Variants in GALK2 observed in about 807,000 individuals in gnomAD.
The protein encoded by GALK2 is N-acetylgalactosamine kinase.
GALK2 carries 36 observed loss-of-function variants against 52.4 expected under a neutral mutation model. The ratio of observed to expected loss-of-function variants is 0.69; its 90% CI spans 0.53 to 0.91. The LOEUF is 0.91. Among genes scored for constraint, GALK2 ranks in the 40% least tolerant of loss-of-function variants. GALK2 has a pLI of 0.00. For synonymous variants in GALK2, 176 were observed against 199.1 expected (o/e 0.88, Z 0.98); for missense variants, 579 against 559.1 (o/e 1.04, Z -0.36).
At chr15:49,233,838 C>T (rs780480992) in intron 3 of GALK2, among the ~76,000 whole-genome samples, 22 of 152,228 alleles carry the variant, frequency 1.4e-4, no homozygotes, top group Admixed American at 2.0e-4. Context: ...CTCTCAGCCA[C>T]GTATGCCACC....
intron 8 of GALK2, among the ~76,000 whole-genome samples, chr15:49,308,715 G>A (rs1158241801): frequency 6.6e-6 from 1 of 152,158 alleles, no homozygotes; most frequent in Non-Finnish European, 1.5e-5. Flanking sequence ...CTGCATTCAG[G>A]CCTGGGAACC....
intron 5 of GALK2, among the ~76,000 whole-genome samples, chr15:49,270,033 C>T (rs1419715600): frequency 6.6e-6 from 1 of 152,200 alleles, no homozygotes; most frequent in Non-Finnish European, 1.5e-5. Context: ...GCTCCCTCTT[C>T]TTAGAATGTA....
intron 3 of GALK2, among the ~76,000 whole-genome samples, chr15:49,219,159 C>A (rs1228694111): frequency 2.6e-5 from 4 of 152,132 alleles, no homozygotes; most frequent in African/African-American, 7.2e-5. Context: ...GGTGGTGTCC[C>A]CACCCAAATC....
intron 3 of GALK2, among the ~76,000 whole-genome samples, chr15:49,341,469 C>T (rs370994868): frequency 7.2e-5 from 11 of 152,152 alleles, no homozygotes; most frequent in African/African-American, 2.7e-4. Flanking sequence ...GATCTTGCAC[C>T]TCCTGGGTTA....
chr15:49,199,580 C>T (rs750759778), intron 1 of GALK2, among the ~76,000 whole-genome samples: 3 of 152,156 alleles, frequency 2.0e-5, no homozygotes, highest in African/African-American at 4.8e-5. Flanking sequence ...TACTAAATGA[C>T]CTCACCCTTT....
chr15:49,201,105 T>G, intron 1 of GALK2, 57 bp from the exon 2 acceptor site: 1 of 867,644 alleles, frequency 1.2e-6, no homozygotes. Context: ...TGTGTGTATG[T>G]TATGTTACGG....
intron 1 of GALK2, chr15:49,198,751 A>G (rs2087459667): frequency 6.6e-6 from 1 of 151,108 alleles, no homozygotes; most frequent in African/African-American, 2.4e-5. Flanking sequence ...TTCTAGTAGT[A>G]GTTTTAGATT....
intron 5 of GALK2, among the ~76,000 whole-genome samples, chr15:49,270,638 C>T (rs2030367452): frequency 6.6e-6 from 1 of 152,182 alleles, no homozygotes; most frequent in Non-Finnish European, 1.5e-5. Flanking sequence ...CTTCCCACTA[C>T]ATGTCAAAGT....
chr15:49,355,072 C>A (rs898050466), intron 3 of GALK2, among the ~76,000 whole-genome samples: 3 of 150,736 alleles, frequency 2.0e-5, no homozygotes, highest in Non-Finnish European at 3.0e-5. Context: ...AGGACATCCA[C>A]ACCAAAAACC....
chr15:49,201,020 T>C (rs1316042235), intron 1 of GALK2, 142 bp from the exon 2 acceptor site: 1 of 456,816 alleles, frequency 2.2e-6, no homozygotes, highest in Non-Finnish European at 3.8e-6. Flanking sequence ...CTTTTATTCT[T>C]TTAAGGAATA....
intron 1 of GALK2, among the ~76,000 whole-genome samples, chr15:49,192,343 A>G (rs2086785299): frequency 6.6e-6 from 1 of 151,700 alleles, no homozygotes; most frequent in Non-Finnish European, 1.5e-5. Context: ...TCTAGAAATG[A>G]TATTCTTTTA....
At chr15:49,258,937 T>G (rs1483612746) in intron 5 of GALK2, among the ~76,000 whole-genome samples, 1 of 151,706 alleles carries the variant, frequency 6.6e-6, no homozygotes, top group East Asian at 1.9e-4. Context: ...TTTGGCTGCA[T>G]AAATGTCTTC....
chr15:49,155,978 TC>T, exon 1 of GALK2: 1 of 1,614,092 alleles, frequency 6.2e-7, no homozygotes, highest in Non-Finnish European at 8.5e-7. Context: ...CAGAAGCCTT[TC>T]GCGGAGAAAA....
At chr15:49,248,721 G>C (rs1216290684) in intron 5 of GALK2, among the ~76,000 whole-genome samples, 1 of 152,190 alleles carries the variant, frequency 6.6e-6, no homozygotes, top group Non-Finnish European at 1.5e-5. Context: ...GAGTAGTTTG[G>C]ATTCACTTGG....
At chr15:49,173,132 C>T (rs1020745055) in intron 1 of GALK2, among the ~76,000 whole-genome samples, 2 of 152,122 alleles carry the variant, frequency 1.3e-5, no homozygotes, top group South Asian at 2.1e-4. Flanking sequence ...TCACTTTGGG[C>T]ATTTCAAATG....
upstream of GALK2, among the ~76,000 whole-genome samples, chr15:49,168,484 C>T (rs559944030): frequency 3.3e-5 from 5 of 152,178 alleles, no homozygotes; most frequent in East Asian, 5.8e-4. Context: ...TTTGGAAGGC[C>T]GAGGTGGGCT....
rs1212714520 is a variant in GALK2 at position 49,310,511 on chromosome 15, G to A, written c.968-9093G>A. Among the ~76,000 whole-genome samples, 4 of 152,016 alleles carry A rather than the reference G, an allele frequency of 2.6e-5. No individual in the cohort carries two copies. The South Asian group carries it at 8.3e-4, about 31-fold the overall frequency. ...AATTTACATTCGCACCAACAGTGTA[G>A]AAGAGTTCCCTTTTCTCTGCATCCT... On this transcript the variant is annotated intron_variant, in intron 8 of 9. Transcript: ENST00000560031.
intron 3 of GALK2, among the ~76,000 whole-genome samples, chr15:49,340,403 G>GCCCC (rs373386438): frequency 4.2e-5 from 4 of 94,472 alleles, no homozygotes; most frequent in East Asian, 4.5e-4. Context: ...GCAGTGCCCC[G>GCCCC]CCCCCCCCCT....
intron 3 of GALK2, chr15:49,225,340 A>G (rs925682895): frequency 5.9e-5 from 25 of 423,130 alleles, no homozygotes; most frequent in Non-Finnish European, 1.1e-4. Context: ...AGTGGGCCAC[A>G]CAGCAGGAGG....
Sources: gnomAD v4.1 joint callset for allele counts (sites outside exome capture counted in the v4.1 genomes callset) on GRCh38, gnomAD v4.1.1 for gene constraint, MANE v1.5 for transcripts, NCBI Gene and HGNC (gene_info 2026-07-23, HGNC 2026-07-21) for gene names.